The following RBM42 variants were observed in gnomAD, a reference collection of about 807,000 sequenced individuals.
The protein encoded by RBM42 is RNA binding motif protein 42, also known as RNA-binding protein 42.
Under a neutral mutation model 41.4 loss-of-function variants are expected in RBM42, and 21 were observed. That is an observed-to-expected ratio of 0.51 (90% CI 0.36 to 0.73). RBM42 has a LOEUF of 0.73. RBM42 is among the 30% of genes least tolerant of loss of function. The probability of loss-of-function intolerance (pLI) is 0.00; values close to 1 mark genes in which losing one functional copy is unlikely to be tolerated. For synonymous variants in RBM42, 272 were observed against 271.2 expected, an observed-to-expected ratio of 1.00 and a Z score of -0.03; for missense variants, 539 against 680.4, an observed-to-expected ratio of 0.79 and a Z score of 2.31.
At chr19:35,635,783 G>C (rs1312300698) in intron 8 of RBM42, among the ~76,000 whole-genome samples, 1 of 152,102 alleles carries the variant, frequency 6.6e-6, no homozygotes, top group Non-Finnish European at 1.5e-5. Context: ...GCCTTCCAAA[G>C]TGCTGGGATT....
chr19:35,629,406 G>C, intron 1 of RBM42, 114 bp from the exon 2 acceptor site: 1 of 1,537,264 alleles, frequency 6.5e-7, no homozygotes. Context: ...CTTCGGGATT[G>C]TGGGGGCGGG....
chr19:35,635,554 A>G (rs936844726), intron 8 of RBM42, among the ~76,000 whole-genome samples: 5 of 136,964 alleles, frequency 3.7e-5, no homozygotes, highest in Non-Finnish European at 7.6e-5. Flanking sequence ...GTCTTGCTCC[A>G]TCGCCCAGGC....
rs1485681083 is a variant in RBM42 at position 35,629,608 on chromosome 19, G to A, written c.217G>A (p.Glu73Lys). The change falls in exon 2 of 10, where the codon GAA becomes AAA. Residue 73 changes from glutamate (E) to lysine (K), a missense_variant. Physicochemically the swap from Glu to Lys is moderately conservative, Grantham distance 56. Around this residue, in one of 2 missense-constraint regions of RBM42, gnomAD observed 429 missense variants for 488.9 expected, o/e 0.88. Coordinates refer to ENST00000262633, the MANE Select transcript of RBM42 (RefSeq NM_024321.5). Reference protein sequence around the residue: ...VPTVPTVPTVEAMQVPAAPVI... With the variant: ...VPTVPTVPTVKAMQVPAAPVI... ...CACTGTCCCCACGGTCCCCACAGTA[G>A]AAGCGATGCAGGTCCCAGCGGCTCC... 6.2e-7 allele frequency: 1 copy of A among 1,614,216 alleles called. No individual in the cohort carries two copies. Among genetic ancestry groups the A allele is most frequent in the Non-Finnish European group, 8.5e-7 (1 of 1,180,040 alleles).
chr19:35,636,606 G>A (rs1021763966), intron 8 of RBM42, among the ~76,000 whole-genome samples: 4 of 152,218 alleles, frequency 2.6e-5, no homozygotes, highest in Non-Finnish European at 5.9e-5. Flanking sequence ...CGGAGGAGCA[G>A]GCAGCATGTC....
rs746913348 is a variant in RBM42 at position 35,633,723 on chromosome 19, C to G, written c.721C>G (p.Leu241Val). Reference sequence around the variant, plus strand: ...AGCACCCCGAGAGCTGGGCCTAGGCCTGGGGTTGGGCCTGAAAGAGAAGGA... The same window carrying G: ...AGCACCCCGAGAGCTGGGCCTAGGCGTGGGGTTGGGCCTGAAAGAGAAGGA... Reference protein sequence around the residue: ...PAAPRELGLGLGLGLKEKEEA... With the variant: ...PAAPRELGLGVGLGLKEKEEA... Residue 241 changes from leucine (L) to valine (V), a missense_variant, in exon 7 of 10, where the codon CTG (leucine) becomes GTG (valine). Transcript: ENST00000262633. The G allele has an allele frequency of 6.7e-7, 1 of 1,483,894 alleles. No individual in the cohort carries two copies. Among genetic ancestry groups the G allele is most frequent in the Non-Finnish European group, 8.9e-7 (1 of 1,122,924 alleles). The allele number at this position is 1,483,894 out of a possible 1,614,324, so 91.9% of individuals were successfully genotyped here. A position where few individuals can be genotyped will look rare whatever the true frequency, so the allele number is the denominator to read the frequency against.
At chr19:35,630,006 G>A (rs954592926) in intron 2 of RBM42, among the ~76,000 whole-genome samples, 1 of 152,180 alleles carries the variant, frequency 6.6e-6, no homozygotes, top group Admixed American at 6.5e-5. Flanking sequence ...GAAAGAGAGA[G>A]AAATTATTAA....
In RBM42 at chr19:35,633,207, T is replaced by C. The variant is rs1265004511; in HGVS notation, c.639T>C (p.Ala213=). ...PPMMLPPMAR[A]PGPPLGSMAA... is the part of the protein sequence containing the mutation. ...TGATGCTGCCACCAATGGCTCGGGC[T>C]CCAGGGCCCCCGCTGGGCTCCATGG... The change falls in exon 6 of 10, where the codon GCT becomes GCC. Residue 213 remains alanine (A), a synonymous_variant. Transcript: ENST00000262633. 1 of 1,610,772 alleles carries C rather than the reference T, an allele frequency of 6.2e-7. No homozygotes were observed. The highest frequency in any genetic ancestry group is 2.2e-5 in the East Asian group (1 of 44,836).
chr19:35,631,168 C>T lies in RBM42; in HGVS notation c.311C>T (p.Ala104Val). Reference protein sequence around the residue: ...QVQQTLEARAAAAATVVPPMV... With the variant: ...QVQQTLEARAVAAATVVPPMV... ...CAGCAGACTCTGGAGGCCCGAGCAG[C>T]TGCTGCAGCCACAGTAGTTCCTCCC... The change falls in exon 3 of 10, where the codon GCT becomes GTT. Residue 104 changes from alanine (A) to valine (V), a missense_variant. This residue lies in a region of RBM42 where 429 missense variants were observed against 488.9 expected (regional missense o/e 0.88). Coordinates refer to ENST00000262633, the MANE Select transcript of RBM42 (RefSeq NM_024321.5). 1 of 1,614,234 alleles carries T rather than the reference C, an allele frequency of 6.2e-7. No individual in the cohort carries two copies. The highest frequency in any genetic ancestry group is 8.5e-7 in the Non-Finnish European group (1 of 1,180,042).
chr19:35,631,650 C>T, intron 4 of RBM42: 2 of 566,866 alleles, frequency 3.5e-6, no homozygotes, highest in South Asian at 2.2e-5. Context: ...CTTAACACCT[C>T]ATAACAAGCT....
intron 6 of RBM42, 139 bp downstream of exon 6, chr19:35,633,391 T>C (rs1017252270): frequency 1.3e-6 from 1 of 772,822 alleles, no homozygotes; most frequent in African/African-American, 1.8e-5. Context: ...TTTGTCTCTG[T>C]CTCTTTCTGC....
At chr19:35,630,713 C>T (rs1015243584) in intron 2 of RBM42, among the ~76,000 whole-genome samples, 1 of 152,178 alleles carries the variant, frequency 6.6e-6, no homozygotes, top group Non-Finnish European at 1.5e-5. Context: ...TTGCAGTGAG[C>T]CAAGCTCGTG....
At chr19:35,631,947 G>A (rs111334738) in intron 4 of RBM42, 2,348 of 153,678 alleles carry the variant, frequency 0.015, 62 homozygotes, top group African/African-American at 0.054. Flanking sequence ...TCACCCAGCT[G>A]TAATCTTCCA....
intron 1 of RBM42, 45 bp downstream of exon 1, chr19:35,629,326 A>G: frequency 6.7e-7 from 1 of 1,490,048 alleles, no homozygotes; most frequent in Non-Finnish European, 8.9e-7. Context: ...CCAGAGCCAG[A>G]GCCACCGAAT....
chr19:35,634,476 G>A, intron 8 of RBM42, 103 bp downstream of exon 8: 1 of 783,626 alleles, frequency 1.3e-6, no homozygotes, highest in South Asian at 1.7e-5. Flanking sequence ...CAGTAGGGTG[G>A]GCGCTGTTGT....
intron 6 of RBM42, among the ~76,000 whole-genome samples, chr19:35,633,457 C>T (rs35254884): frequency 0.11 from 15,989 of 152,258 alleles, 1,253 homozygotes; most frequent in East Asian, 0.31. Flanking sequence ...CAGAGAGAAA[C>T]ATGCTATTGG....
At chr19:35,629,723 GAGT>G in intron 2 of RBM42, 50 bp downstream of exon 2, 5 of 1,593,768 alleles carry the variant, frequency 3.1e-6, no homozygotes, top group Non-Finnish European at 4.3e-6. Context: ...GCCTCGAACA[GAGT>G]AGGTGTTTGT....
At position 35,637,129 on chromosome 19, in the gene RBM42, C is replaced by T. The variant is rs1967511498; in HGVS notation, c.1136-29C>T. On this transcript the variant is annotated intron_variant, in intron 8 of 9. Transcript: ENST00000262633. The surrounding 1 kb of genome is among the most constrained non-coding windows in gnomAD (Gnocchi z 7.0). ...AGACACTGGGCAAGGCCTCTGCATCCTCTGATGTCATCTCTTCCCCATCCC... is the reference window on the plus strand; with the variant it reads ...AGACACTGGGCAAGGCCTCTGCATCTTCTGATGTCATCTCTTCCCCATCCC... 3.8e-6 allele frequency: 6 copies of T among 1,585,834 alleles called. No individual in the cohort carries two copies. Among genetic ancestry groups the T allele is most frequent in the South Asian group, 3.4e-5 (3 of 87,710 alleles).
Position 35,637,410 on chromosome 19 carries a change from C to T in RBM42, c.1331-32C>T. On this transcript the variant is annotated intron_variant, in intron 9 of 9. Transcript: ENST00000262633. This position sits in a 1 kb window ranked among gnomAD's most constrained non-coding sequence, Gnocchi z 7.0. ...CGGCAGGCGCTGGCCTAAGCCTGAC[C>T]CGAGCCTGCCTTGAACCCTCTGTCT... is the stretch of plus-strand genomic sequence containing the variant. The T allele has an allele frequency of 6.2e-7, 1 of 1,613,242 alleles. No homozygotes were observed. The highest frequency in any genetic ancestry group is 1.1e-5 in the South Asian group (1 of 91,018).
At position 35,634,390 on chromosome 19, in the gene RBM42, C is replaced by T. The variant is rs1253396191; in HGVS notation, c.1135+17C>T. 6.3e-6 allele frequency: 10 copies of T among 1,593,590 alleles called. No individual in the cohort carries two copies. The highest frequency in any genetic ancestry group is 4.4e-5 in the South Asian group (4 of 90,158). On this transcript the variant is annotated intron_variant, in intron 8 of 9. Coordinates refer to ENST00000262633, the MANE Select transcript of RBM42 (RefSeq NM_024321.5). ...GGGATGCAGGTAAGCTGCTGAAGCT[C>T]GAGGTCAGGCGTGGCTCGGCCAAGG...
Sources: allele counts gnomAD v4.1 joint callset (sites outside exome capture counted in the v4.1 genomes callset), GRCh38; gene constraint gnomAD v4.1.1; regional missense constraint gnomAD v4.1.1; non-coding constraint Gnocchi (gnomAD v3.1); transcripts MANE v1.5; gene names NCBI Gene and HGNC (gene_info 2026-07-23, HGNC 2026-07-21).